RORA: variants seen among roughly 807,000 people sequenced by gnomAD.
RORA encodes the protein nuclear receptor ROR-alpha.
Under a neutral mutation model 69.5 loss-of-function variants are expected in RORA, and 7 were observed. That is an observed-to-expected ratio of 0.10 (90% CI 0.06 to 0.19). The LOEUF is 0.19. Among genes scored for constraint, RORA ranks in the 10% least tolerant of loss-of-function variants. The pLI is 1.00. For missense variants in RORA, 457 were observed against 663.0 expected, an observed-to-expected ratio of 0.69 and a Z score of 3.41; for synonymous variants, 261 against 240.8, an observed-to-expected ratio of 1.08 and a Z score of -0.78.
chr15:60,970,000 G>A (rs929649881), intron 1 of RORA, among the ~76,000 whole-genome samples: 3 of 152,186 alleles, frequency 2.0e-5, no homozygotes, highest in East Asian at 1.9e-4. Flanking sequence ...ACTCTTGCAC[G>A]CGCACTCTCT....
At chr15:61,148,565 T>C in intron 1 of RORA, among the ~76,000 whole-genome samples, 2 of 152,018 alleles carry the variant, frequency 1.3e-5, no homozygotes, top group South Asian at 4.2e-4. Context: ...AAATACCTAA[T>C]CAATAAATTA....
intron 1 of RORA, among the ~76,000 whole-genome samples, chr15:60,915,927 G>A (rs1002480116): frequency 2.0e-5 from 3 of 152,138 alleles, no homozygotes; most frequent in Non-Finnish European, 4.4e-5. Flanking sequence ...AGCACATTGC[G>A]CTTCACATAA....
chr15:60,990,106 T>G (rs1894327854), intron 1 of RORA, among the ~76,000 whole-genome samples: 1 of 152,210 alleles, frequency 6.6e-6, no homozygotes, highest in Non-Finnish European at 1.5e-5. Context: ...GCTTTTTGTT[T>G]CCCAGGAAAA....
intron 1 of RORA, among the ~76,000 whole-genome samples, chr15:60,981,378 A>G (rs1016907263): frequency 7.2e-5 from 11 of 151,982 alleles, no homozygotes; most frequent in Admixed American, 1.3e-4. Flanking sequence ...TTTCACCATT[A>G]TTTCTTCAAA....
intron 1 of RORA, among the ~76,000 whole-genome samples, chr15:61,184,513 T>C (rs2079720241): frequency 6.6e-6 from 1 of 152,192 alleles, no homozygotes; most frequent in African/African-American, 2.4e-5. Context: ...TGAAATTCTG[T>C]TTCGGTAGTT....
intron 1 of RORA, among the ~76,000 whole-genome samples, chr15:61,167,008 A>G (rs2079544207): frequency 6.6e-6 from 1 of 152,186 alleles, no homozygotes; most frequent in African/African-American, 2.4e-5. Context: ...AATGACAAAG[A>G]AGTTGTAGTT....
At chr15:60,812,604 T>C (rs2140368831) in intron 1 of RORA, among the ~76,000 whole-genome samples, 1 of 152,354 alleles carries the variant, frequency 6.6e-6, no homozygotes, top group South Asian at 2.1e-4. Flanking sequence ...AAGAGCTCAG[T>C]AGATGTTGTC....
chr15:60,581,887 C>T (rs138572523), intron 2 of RORA, among the ~76,000 whole-genome samples: 1 of 152,282 alleles, frequency 6.6e-6, no homozygotes, highest in East Asian at 1.9e-4. Context: ...GATGGCATCA[C>T]AAGAGATACA....
At chr15:60,780,392 T>G (rs1253307974) in intron 1 of RORA, among the ~76,000 whole-genome samples, 1 of 152,182 alleles carries the variant, frequency 6.6e-6, no homozygotes, top group Non-Finnish European at 1.5e-5. Context: ...GTGTAGACAG[T>G]GAACATCCGC....
intron 1 of RORA, among the ~76,000 whole-genome samples, chr15:60,957,626 A>G (rs1893306273): frequency 6.6e-6 from 1 of 152,208 alleles, no homozygotes; most frequent in South Asian, 2.1e-4. Flanking sequence ...TGAGGCAGAG[A>G]TGCACATATA....
At chr15:60,646,017 G>T (rs339976) in intron 2 of RORA, among the ~76,000 whole-genome samples, 1 of 152,092 alleles carries the variant, frequency 6.6e-6, no homozygotes, top group Admixed American at 6.5e-5. Flanking sequence ...CGTATGCTCT[G>T]AAAGCTAGGA....
At position 60,526,744 on chromosome 15, in the gene RORA, A is replaced by G. The variant is rs576649782; in HGVS notation, c.282+5022T>C. ...AATAAAAATGAGCATGAATGTATCAATGGTGAAAAGTGGACAGAATTAGTT... is the reference window on the plus strand; with the variant it reads ...AATAAAAATGAGCATGAATGTATCAGTGGTGAAAAGTGGACAGAATTAGTT... On this transcript the variant is annotated intron_variant, in intron 3 of 10. Coordinates refer to ENST00000335670, the MANE Select transcript of RORA (RefSeq NM_134261.3). 1.1e-4 allele frequency among the ~76,000 whole-genome samples: 17 copies of G among 152,356 alleles called. No individual in the cohort carries two copies. The South Asian group carries it at 1.2e-3, about 11-fold the overall frequency.
At chr15:60,883,847 C>T (rs968828257) in intron 1 of RORA, among the ~76,000 whole-genome samples, 8 of 152,150 alleles carry the variant, frequency 5.3e-5, no homozygotes, top group South Asian at 2.1e-4. Flanking sequence ...GCCCATTCCA[C>T]GATGCAACTG....
rs1340853877 is a variant in RORA at position 60,500,954 on chromosome 15, C to T, written c.1294+5G>A. ...ACCATTTTTATTTTTATTTGGTTGT[C>T]TTACCTGCTGACATCAGTACAAATG... is the stretch of plus-strand genomic sequence containing the variant. On this transcript the variant is annotated splice_donor_5th_base_variant and intron_variant, in intron 9 of 10. Coordinates refer to ENST00000335670, the MANE Select transcript of RORA (RefSeq NM_134261.3). 2 of 1,498,048 alleles carry T rather than the reference C, an allele frequency of 1.3e-6. No individual in the cohort carries two copies. The highest frequency in any genetic ancestry group is 1.8e-6 in the Non-Finnish European group (2 of 1,081,914). 92.8% of individuals were successfully genotyped at this position (1,498,048 alleles called of 1,614,324 possible).
intron 1 of RORA, among the ~76,000 whole-genome samples, chr15:61,059,833 C>T (rs142563768): frequency 3.0e-3 from 447 of 151,286 alleles, no homozygotes; most frequent in Non-Finnish European, 4.4e-3. Context: ...GATTTGGTTA[C>T]TTTCAATAAT....
intron 2 of RORA, among the ~76,000 whole-genome samples, chr15:60,614,606 C>T (rs937121934): frequency 2.6e-5 from 4 of 152,208 alleles, no homozygotes; most frequent in African/African-American, 7.2e-5. Flanking sequence ...GCTTCTGTGT[C>T]GGTTCTATGA....
chr15:60,566,641 C>A (rs2067721024), intron 2 of RORA, among the ~76,000 whole-genome samples: 1 of 152,142 alleles, frequency 6.6e-6, no homozygotes, highest in Admixed American at 6.5e-5. Flanking sequence ...TTATAAAGAT[C>A]ATAATAACAG....
chr15:61,155,212 G>A (rs772070690), intron 1 of RORA, among the ~76,000 whole-genome samples: 5 of 152,024 alleles, frequency 3.3e-5, no homozygotes, highest in Admixed American at 6.6e-5. Flanking sequence ...ACTGTGTCCC[G>A]TAAATATGTA....
At chr15:61,207,293 C>T (rs992236296) in intron 1 of RORA, among the ~76,000 whole-genome samples, 6 of 152,142 alleles carry the variant, frequency 3.9e-5, no homozygotes, top group Admixed American at 2.6e-4. Context: ...TCCTACAGGA[C>T]GTGCTAGCCA....
Sources: gnomAD v4.1 joint callset for allele counts (sites outside exome capture counted in the v4.1 genomes callset) on GRCh38, gnomAD v4.1.1 for gene constraint, MANE v1.5 for transcripts, NCBI Gene and HGNC (gene_info 2026-07-23, HGNC 2026-07-21) for gene names.